SIL1: variants seen among roughly 807,000 people sequenced by gnomAD.
SIL1 encodes the protein nucleotide exchange factor SIL1.
In SIL1, 40 loss-of-function variants were observed where a neutral mutation model predicts 49.1. The ratio of observed to expected loss-of-function variants is 0.81; its 90% CI spans 0.63 to 1.06. The LOEUF is 1.06. SIL1 is among the 50% of genes least tolerant of loss of function. The pLI is 0.00. For missense variants in SIL1, 500 were observed against 572.6 expected (o/e 0.87, Z 1.29); for synonymous variants, 253 against 250.8 (o/e 1.01, Z -0.08).
At chr5:139,154,565 A>G (rs1751371218) in intron 1 of SIL1, among the ~76,000 whole-genome samples, 1 of 152,228 alleles carries the variant, frequency 6.6e-6, no homozygotes, top group South Asian at 2.1e-4. Context: ...CTGTGATTGA[A>G]TCACTGATAA....
At chr5:139,121,896 G>A (rs899200610) in intron 2 of SIL1, among the ~76,000 whole-genome samples, 3 of 152,292 alleles carry the variant, frequency 2.0e-5, no homozygotes, top group East Asian at 1.9e-4. Context: ...AGGAGACAGC[G>A]ATGCAAGATA....
chr5:139,133,897 G>A (rs1750919875), intron 1 of SIL1, among the ~76,000 whole-genome samples: 1 of 152,186 alleles, frequency 6.6e-6, no homozygotes, highest in African/African-American at 2.4e-5. Context: ...ATAACACATG[G>A]ACTTGAAGTC....
intron 1 of SIL1, chr5:139,137,197 A>T (rs1364843959): frequency 1.5e-5 from 9 of 606,844 alleles, no homozygotes; most frequent in Non-Finnish European, 2.1e-5. Context: ...TATAGTCAAC[A>T]TTTATAGAGA....
intron 3 of SIL1, among the ~76,000 whole-genome samples, chr5:139,096,363 C>T (rs1370062275): frequency 2.0e-5 from 3 of 152,046 alleles, no homozygotes; most frequent in Non-Finnish European, 4.4e-5. Context: ...CTGTCTAGAC[C>T]GCAAGGACTG....
intron 7 of SIL1, chr5:138,953,220 G>A (rs1057149078): frequency 1.8e-4 from 28 of 152,376 alleles, no homozygotes; most frequent in Middle Eastern, 6.8e-3. Flanking sequence ...TCCTGGCCAG[G>A]GGGCCCTCAC....
chr5:139,008,031 G>T (rs2150416738), intron 7 of SIL1, among the ~76,000 whole-genome samples: 2 of 152,210 alleles, frequency 1.3e-5, no homozygotes, highest in East Asian at 1.9e-4. Context: ...GTTTCAGAAG[G>T]AATGGTACCA....
chr5:139,066,125 G>C (rs188988406), intron 3 of SIL1, among the ~76,000 whole-genome samples: 46 of 152,214 alleles, frequency 3.0e-4, no homozygotes, highest in Non-Finnish European at 4.1e-4. Flanking sequence ...CCCAGGACAG[G>C]CTTGTTGGCA....
chr5:139,055,646 C>G (rs1769393289), intron 3 of SIL1, among the ~76,000 whole-genome samples: 3 of 130,102 alleles, frequency 2.3e-5, no homozygotes, highest in African/African-American at 9.0e-5. Context: ...CCCTCTCCCT[C>G]TCCCCACGGT....
At chr5:138,963,747 T>C (rs533489507) in intron 7 of SIL1, among the ~76,000 whole-genome samples, 22 of 152,278 alleles carry the variant, frequency 1.4e-4, no homozygotes, top group Non-Finnish European at 2.9e-4. Context: ...CAATTAGTTC[T>C]AGTTCAGAGA....
At chr5:139,059,252 G>GGTGA (rs1769529760) in intron 3 of SIL1, among the ~76,000 whole-genome samples, 1 of 152,046 alleles carries the variant, frequency 6.6e-6, no homozygotes, top group South Asian at 2.1e-4. Flanking sequence ...TTCCTGTGAT[G>GGTGA]GTGAATAAGC....
chr5:139,177,002 C>A (rs111860152), intron 1 of SIL1, among the ~76,000 whole-genome samples: 2 of 134,178 alleles, frequency 1.5e-5, no homozygotes, highest in African/African-American at 5.5e-5. Context: ...ACGCAAGCTT[C>A]GCTCACTGCA....
Position 139,021,170 on chromosome 5 carries a change from C to T in SIL1, c.767+1G>A, listed in dbSNP as rs1768517145. On this transcript the variant is annotated splice_donor_variant, in intron 7 of 9. Coordinates refer to ENST00000394817, the MANE Select transcript of SIL1 (RefSeq NM_022464.5). LOFTEE classifies it high-confidence loss of function. ...ATTGGGACGTCCATTATACTGCTCA[C>T]CTGGAAAAGGCAGCGCCCAGCACAA... 1 of 1,614,004 alleles carries T rather than the reference C, an allele frequency of 6.2e-7. No homozygotes were observed. The highest frequency in any genetic ancestry group is 8.5e-7 in the Non-Finnish European group (1 of 1,180,022).
At chr5:139,028,724 C>T (rs1768719366) in intron 5 of SIL1, among the ~76,000 whole-genome samples, 1 of 152,150 alleles carries the variant, frequency 6.6e-6, no homozygotes, top group African/African-American at 2.4e-5. Context: ...CTAGACTAAA[C>T]ACCTTGTTTG....
chr5:139,029,599 TC>T (rs766405790), intron 5 of SIL1, among the ~76,000 whole-genome samples: 2 of 151,692 alleles, frequency 1.3e-5, no homozygotes, highest in Non-Finnish European at 2.9e-5. Context: ...CCTCCTGGAC[TC>T]AAGTGATCCT....
intron 3 of SIL1, among the ~76,000 whole-genome samples, chr5:139,092,200 A>G (rs1770357447): frequency 6.6e-6 from 1 of 152,184 alleles, no homozygotes; most frequent in Admixed American, 6.6e-5. Context: ...AGAATCTATA[A>G]GTACTTCTGT....
At chr5:139,088,852 C>T (rs1486606533) in intron 3 of SIL1, among the ~76,000 whole-genome samples, 7 of 152,218 alleles carry the variant, frequency 4.6e-5, no homozygotes, top group Admixed American at 6.5e-5. Context: ...GAACTCCTCA[C>T]TGGGATGCAC....
intron 1 of SIL1, among the ~76,000 whole-genome samples, chr5:139,143,973 TAAA>T (rs1488998820): frequency 6.6e-6 from 1 of 152,146 alleles, no homozygotes; most frequent in Non-Finnish European, 1.5e-5. Flanking sequence ...CATAAATAAA[TAAA>T]AAGTCATTTT....
intron 3 of SIL1, among the ~76,000 whole-genome samples, chr5:139,058,915 A>C (rs11956089): frequency 0.43 from 65,704 of 151,418 alleles, 15,489 homozygotes; most frequent in African/African-American, 0.64. Context: ...GTGTTCATTA[A>C]TACTAGGGTG....
intron 7 of SIL1, among the ~76,000 whole-genome samples, chr5:139,018,534 G>A (rs570203921): frequency 3.0e-4 from 43 of 145,610 alleles, no homozygotes; most frequent in African/African-American, 1.0e-3. Context: ...AGGTTGCAGT[G>A]AGCCAAGATC....
Sources: gnomAD v4.1 joint callset for allele counts (sites outside exome capture counted in the v4.1 genomes callset) on GRCh38, gnomAD v4.1.1 for gene constraint, MANE v1.5 for transcripts, NCBI Gene and HGNC (gene_info 2026-07-23, HGNC 2026-07-21) for gene names.